JUNB: variants seen among roughly 807,000 people sequenced by gnomAD.
The protein encoded by JUNB is transcription factor JunB.
JUNB carries 6 observed loss-of-function variants against 16.4 expected under a neutral mutation model. That is an observed-to-expected ratio of 0.37 (90% CI 0.20 to 0.72). The LOEUF (loss-of-function observed/expected upper bound fraction) is 0.72, where lower values mean the gene tolerates loss of function less well. Among genes scored for constraint, JUNB ranks in the 30% least tolerant of loss-of-function variants. The pLI, the probability that JUNB is intolerant of heterozygous loss-of-function variation, is 0.53. For synonymous variants in JUNB, 226 were observed against 232.8 expected, an observed-to-expected ratio of 0.97 and a Z score of 0.27; for missense variants, 389 against 492.9, an observed-to-expected ratio of 0.79 and a Z score of 2.00.
In JUNB at chr19:12,792,265, C is replaced by A. The variant is rs1968729164; in HGVS notation, c.494C>A (p.Pro165His). The A allele has an allele frequency of 2.0e-6, 3 of 1,495,028 alleles. No homozygotes were observed. Among genetic ancestry groups the A allele is most frequent in the African/African-American group, 1.4e-5 (1 of 71,130 alleles). The allele number at this position is 1,495,028 out of a possible 1,614,324, so 92.6% of individuals were successfully genotyped here. The change falls in exon 1 of 1, where the codon CCC (proline) becomes CAC (histidine). Residue 165 changes from proline to histidine, a missense_variant. Coordinates refer to ENST00000302754, the MANE Select transcript of JUNB (RefSeq NM_002229.3). ...GTGTCCCTGGGCGCTACCGGGGGGCCCCCGGCTGGGCCCGGGGGCGTCTAC... is the reference window on the plus strand; with the variant it reads ...GTGTCCCTGGGCGCTACCGGGGGGCACCCGGCTGGGCCCGGGGGCGTCTAC... ...PNVSLGATGGPPAGPGGVYAG... is the reference protein window; with the variant it reads ...PNVSLGATGGHPAGPGGVYAG...
Position 12,791,737 on chromosome 19 carries a change from G to T in JUNB, c.-35G>T. 2.0e-6 allele frequency: 3 copies of T among 1,511,224 alleles called. No individual in the cohort carries two copies. The highest frequency in any genetic ancestry group is 1.2e-5 in the South Asian group (1 of 81,708). 93.6% of individuals were successfully genotyped at this position (1,511,224 alleles called of 1,614,324 possible). On this transcript the variant is annotated 5_prime_UTR_variant, in exon 1 of 1. Coordinates refer to ENST00000302754, the MANE Select transcript of JUNB (RefSeq NM_002229.3). This position sits in a 1 kb window ranked among gnomAD's most constrained non-coding sequence, Gnocchi z 7.0. ...CTGCAGCGAGGCCCGGAGCGGCCCC[G>T]CAGGGACCCTCCCCAGACCGCCTGG...
In JUNB at chr19:12,792,172, G is replaced by T; in HGVS notation, c.401G>T (p.Gly134Val). 1 of 1,590,296 alleles carries T rather than the reference G, an allele frequency of 6.3e-7. No homozygotes were observed. The highest frequency in any genetic ancestry group is 1.3e-5 in the African/African-American group (1 of 74,834). ...AGGGVTEEQE[G>V]FADGFVKALD... ...GGCGGCGTCACCGAGGAGCAGGAGGGCTTCGCCGACGGCTTTGTCAAAGCC... is the reference window on the plus strand; with the variant it reads ...GGCGGCGTCACCGAGGAGCAGGAGGTCTTCGCCGACGGCTTTGTCAAAGCC... The change falls in exon 1 of 1, where the codon GGC becomes GTC. Residue 134 changes from glycine (G) to valine (V), a missense_variant. By Grantham distance (109) the Gly-to-Val change is moderately radical. Around this residue, in one of 2 missense-constraint regions of JUNB, gnomAD observed 349 missense variants for 389.8 expected, o/e 0.90. Coordinates refer to ENST00000302754, the MANE Select transcript of JUNB (RefSeq NM_002229.3).
At position 12,792,454 on chromosome 19, in the gene JUNB, C is replaced by T. The variant is rs1448833943; in HGVS notation, c.683C>T (p.Ala228Val). Residue 228 changes from alanine (A) to valine (V), a missense_variant, in exon 1 of 1, where the codon GCG becomes GTG. Coordinates refer to ENST00000302754, the MANE Select transcript of JUNB (RefSeq NM_002229.3). ...HAPPFAGGHP[A>V]QLGLGRGAST... Reference sequence around the variant, plus strand: ...CCGCCCTTCGCCGGTGGCCACCCGGCGCAGCTGGGCTTGGGCCGCGGCGCC... The same window carrying T: ...CCGCCCTTCGCCGGTGGCCACCCGGTGCAGCTGGGCTTGGGCCGCGGCGCC... 1 of 1,600,248 alleles carries T rather than the reference C, an allele frequency of 6.2e-7. No homozygotes were observed. Among genetic ancestry groups the T allele is most frequent in the Non-Finnish European group, 8.5e-7 (1 of 1,176,578 alleles).
At position 12,792,231 on chromosome 19, in the gene JUNB, C is replaced by A. The variant is rs1310504842; in HGVS notation, c.460C>A (p.Pro154Thr). ...TCTGCACAAGATGAACCACGTGACA[C>A]CCCCCAACGTGTCCCTGGGCGCTAC... is the stretch of plus-strand genomic sequence containing the variant. ...DDLHKMNHVT[P>T]PNVSLGATGG... Residue 154 changes from proline to threonine, a missense_variant, in exon 1 of 1, where the codon CCC becomes ACC. By Grantham distance (38) the Pro-to-Thr change is conservative (BLOSUM62 -1). Coordinates refer to ENST00000302754, the MANE Select transcript of JUNB (RefSeq NM_002229.3). The A allele has an allele frequency of 2.0e-6, 3 of 1,526,260 alleles. No homozygotes were observed. Among genetic ancestry groups the A allele is most frequent in the Non-Finnish European group, 1.8e-6 (2 of 1,133,482 alleles). The allele number at this position is 1,526,260 out of a possible 1,614,324, so 94.5% of individuals were successfully genotyped here.
Position 12,792,817 on chromosome 19 carries a change from C to T in JUNB, c.*2C>T. 1 of 1,595,254 alleles carries T rather than the reference C, an allele frequency of 6.3e-7. No individual in the cohort carries two copies. Among genetic ancestry groups the T allele is most frequent in the Non-Finnish European group, 8.6e-7 (1 of 1,165,648 alleles). Reference sequence around the variant, plus strand: ...GGGGTCAAGGGACACGCCTTCTGAACGTCCCCTGCCCCTTTACGGACACCC... The same window carrying T: ...GGGGTCAAGGGACACGCCTTCTGAATGTCCCCTGCCCCTTTACGGACACCC... On this transcript the variant is annotated 3_prime_UTR_variant, in exon 1 of 1. Coordinates refer to ENST00000302754, the MANE Select transcript of JUNB (RefSeq NM_002229.3).
At position 12,792,129 on chromosome 19, in the gene JUNB, G is replaced by A. The variant is rs1431703781; in HGVS notation, c.358G>A (p.Gly120Ser). 1.3e-6 allele frequency: 2 copies of A among 1,599,082 alleles called. No individual in the cohort carries two copies. The highest frequency in any genetic ancestry group is 1.7e-6 in the Non-Finnish European group (2 of 1,173,910). ...CCCCCGCGGGGGTGGCAGCGGTGGA[G>A]GTGCAGGGGGCGCAGGGGGCGGCGT... is the stretch of plus-strand genomic sequence containing the variant. ...FYPRGGGSGG[G>S]AGGAGGGVTE... The change falls in exon 1 of 1, where the codon GGT (glycine) becomes AGT (serine). Residue 120 changes from glycine to serine, a missense_variant. By Grantham distance (56) the Gly-to-Ser change is moderately conservative. Coordinates refer to ENST00000302754, the MANE Select transcript of JUNB (RefSeq NM_002229.3).
rs1968741060 is a variant in JUNB at position 12,793,122 on chromosome 19, G to T, written c.*307G>T. On this transcript the variant is annotated 3_prime_UTR_variant, in exon 1 of 1. Coordinates refer to ENST00000302754, the MANE Select transcript of JUNB (RefSeq NM_002229.3). This position sits in a 1 kb window ranked among gnomAD's most constrained non-coding sequence, Gnocchi z 6.1. ...CGATCGCGGCGGAGCTGGCCCCGCC[G>T]CCTGGTACTCAAGCCCGCGGGGACA... 6.5e-6 allele frequency: 2 copies of T among 308,070 alleles called. No homozygotes were observed. The highest frequency in any genetic ancestry group is 4.3e-5 in the African/African-American group (2 of 46,754). 19.1% of individuals were successfully genotyped at this position (308,070 alleles called of 1,614,324 possible).
rs775954192 is a variant in JUNB at position 12,792,439 on chromosome 19, C to A, written c.668C>A (p.Ala223Asp). 6.2e-7 allele frequency: 1 copy of A among 1,601,828 alleles called. No individual in the cohort carries two copies. Among genetic ancestry groups the A allele is most frequent in the Admixed American group, 1.7e-5 (1 of 59,526 alleles). Residue 223 changes from alanine to aspartate, a missense_variant, in exon 1 of 1, where the codon GCC becomes GAC. This residue lies in a region of JUNB where 349 missense variants were observed against 389.8 expected (regional missense o/e 0.90). Coordinates refer to ENST00000302754, the MANE Select transcript of JUNB (RefSeq NM_002229.3). ...ISYLPHAPPF[A>D]GGHPAQLGLG... The stretch of plus-strand genomic sequence containing the variant: ...TACCTCCCACACGCGCCGCCCTTCG[C>A]CGGTGGCCACCCGGCGCAGCTGGGC...
Position 12,792,114 on chromosome 19 carries a change from G to A in JUNB, c.343G>A (p.Gly115Ser). 2 of 1,598,972 alleles carry A rather than the reference G, an allele frequency of 1.3e-6. No individual in the cohort carries two copies. Among genetic ancestry groups the A allele is most frequent in the Non-Finnish European group, 8.5e-7 (1 of 1,173,820 alleles). Residue 115 changes from glycine to serine, a missense_variant, in exon 1 of 1, where the codon GGT (glycine) becomes AGT (serine). Gly to Ser is a moderately conservative substitution (Grantham distance 56). Coordinates refer to ENST00000302754, the MANE Select transcript of JUNB (RefSeq NM_002229.3). Reference protein sequence around the residue: ...PPGQYFYPRGGGSGGGAGGAG... With the variant: ...PPGQYFYPRGSGSGGGAGGAG... ...GGGACAGTACTTTTACCCCCGCGGG[G>A]GTGGCAGCGGTGGAGGTGCAGGGGG... is the stretch of plus-strand genomic sequence containing the variant.
Position 12,791,885 on chromosome 19 carries a change from C to G in JUNB, c.114C>G (p.Ser38Arg), listed in dbSNP as rs762774654. ...ACGACTACAAACTCCTGAAACCGAG[C>G]CTGGCGGTCAACCTGGCCGACCCCT... is the stretch of plus-strand genomic sequence containing the variant. ...SLHDYKLLKP[S>R]LAVNLADPYR... Residue 38 changes from serine to arginine, a missense_variant, in exon 1 of 1, where the codon AGC becomes AGG. Ser to Arg is a moderately radical substitution (Grantham distance 110, BLOSUM62 -1). Around this residue, in one of 2 missense-constraint regions of JUNB, gnomAD observed 349 missense variants for 389.8 expected, o/e 0.90. Transcript: ENST00000302754. The surrounding 1 kb of genome is among the most constrained non-coding windows in gnomAD (Gnocchi z 7.0). The G allele has an allele frequency of 6.2e-7, 1 of 1,613,504 alleles. No homozygotes were observed. The highest frequency in any genetic ancestry group is 8.5e-7 in the Non-Finnish European group (1 of 1,179,900).
In JUNB at chr19:12,792,684, G is replaced by A. The variant is rs770362511; in HGVS notation, c.913G>A (p.Ala305Thr). The change falls in exon 1 of 1, where the codon GCC (alanine) becomes ACC (threonine). Residue 305 changes from alanine to threonine, a missense_variant. By Grantham distance (58) the Ala-to-Thr change is moderately conservative. Around this residue, in one of 2 missense-constraint regions of JUNB, gnomAD observed 40 missense variants for 103.2 expected, o/e 0.39. Transcript: ENST00000302754. ...GGAGGACAAGGTGAAGACGCTCAAG[G>A]CCGAGAACGCGGGGCTGTCGAGTAC... ...RLEDKVKTLK[A>T]ENAGLSSTAG... 1.3e-5 allele frequency: 21 copies of A among 1,586,740 alleles called. No individual in the cohort carries two copies. The highest frequency in any genetic ancestry group is 1.8e-5 in the Non-Finnish European group (21 of 1,167,524).
Position 12,793,057 on chromosome 19 carries a change from A to G in JUNB, c.*242A>G. On this transcript the variant is annotated 3_prime_UTR_variant, in exon 1 of 1. Transcript: ENST00000302754. This position sits in a 1 kb window ranked among gnomAD's most constrained non-coding sequence, Gnocchi z 6.1. ...GAAACAGACTCGATTCATATTGAAT[A>G]TAATATATTTGTGTATTTAACAGGG... 1.9e-6 allele frequency: 1 copy of G among 520,794 alleles called. No homozygotes were observed. Among genetic ancestry groups the G allele is most frequent in the South Asian group, 2.7e-5 (1 of 36,452 alleles). 32.3% of individuals were successfully genotyped at this position (520,794 alleles called of 1,614,324 possible).
Position 12,792,677 on chromosome 19 carries a change from G to C in JUNB, c.906G>C (p.Thr302=), listed in dbSNP as rs1323509327. The change falls in exon 1 of 1, where the codon ACG becomes ACC. Residue 302 remains threonine (T), a synonymous_variant. Transcript: ENST00000302754. The part of the protein sequence containing the change: ...RIARLEDKVK[T]LKAENAGLSS... ...CGCGCCTGGAGGACAAGGTGAAGAC[G>C]CTCAAGGCCGAGAACGCGGGGCTGT... 6.3e-7 allele frequency: 1 copy of C among 1,582,678 alleles called. No individual in the cohort carries two copies. The highest frequency in any genetic ancestry group is 8.6e-7 in the Non-Finnish European group (1 of 1,165,414).
chr19:12,791,962 G>C lies in JUNB; in HGVS notation c.191G>C (p.Gly64Ala). 1.9e-6 allele frequency: 3 copies of C among 1,611,258 alleles called. No individual in the cohort carries two copies. The highest frequency in any genetic ancestry group is 2.5e-6 in the Non-Finnish European group (3 of 1,179,384). The stretch of plus-strand genomic sequence containing the variant: ...CGCGGACCCGGCCCAGAGGGCGGCG[G>C]TGGCGGCAGCTACTTTTCTGGTCAG... ...GARGPGPEGG[G>A]GGSYFSGQGS... is the part of the protein sequence containing the mutation. The change falls in exon 1 of 1, where the codon GGT (glycine) becomes GCT (alanine). Residue 64 changes from glycine (G) to alanine (A), a missense_variant. By Grantham distance (60) the Gly-to-Ala change is moderately conservative. Coordinates refer to ENST00000302754, the MANE Select transcript of JUNB (RefSeq NM_002229.3). This position sits in a 1 kb window ranked among gnomAD's most constrained non-coding sequence, Gnocchi z 7.0.
Position 12,791,802 on chromosome 19 carries a change from CACG to C in JUNB, c.37_39del (p.Asp13del), listed in dbSNP as rs772785758. The C allele has an allele frequency of 6.2e-6, 10 of 1,612,436 alleles. No individual in the cohort carries two copies. Among genetic ancestry groups the C allele is most frequent in the Non-Finnish European group, 8.5e-6 (10 of 1,179,122 alleles). ...CACTAAAATGGAACAGCCCTTCTAC[CACG>C]ACGACTCATACACAGCTACGGGATA... is the stretch of plus-strand genomic sequence containing the variant. On this transcript the variant is annotated inframe_deletion, in exon 1 of 1. Coordinates refer to ENST00000302754, the MANE Select transcript of JUNB (RefSeq NM_002229.3). This position sits in a 1 kb window ranked among gnomAD's most constrained non-coding sequence, Gnocchi z 7.0.
In JUNB at chr19:12,792,317, C is replaced by T; in HGVS notation, c.546C>T (p.Tyr182=). ...VYAGPEPPPV[Y]TNLSSYSPAS... ...CCGGCCCGGAGCCACCTCCCGTTTA[C>T]ACCAACCTCAGCAGCTACTCCCCAG... is the stretch of plus-strand genomic sequence containing the variant. Residue 182 remains tyrosine, a synonymous_variant, in exon 1 of 1, where the codon TAC becomes TAT. Transcript: ENST00000302754. 6.6e-7 allele frequency: 1 copy of T among 1,518,722 alleles called. No individual in the cohort carries two copies. Among genetic ancestry groups the T allele is most frequent in the South Asian group, 1.2e-5 (1 of 80,746 alleles). 94.1% of individuals were successfully genotyped at this position (1,518,722 alleles called of 1,614,324 possible).
chr19:12,791,718 C>CGA lies in JUNB; in HGVS notation c.-52_-51dup. On this transcript the variant is annotated 5_prime_UTR_variant, in exon 1 of 1. Transcript: ENST00000302754. The surrounding 1 kb of genome is among the most constrained non-coding windows in gnomAD (Gnocchi z 7.0). Reference sequence around the variant, plus strand: ...GCGGAGAGCTCGCCGCTCGCTGCAGCGAGGCCCGGAGCGGCCCCGCAGGGA... The same window carrying CGA: ...GCGGAGAGCTCGCCGCTCGCTGCAGCGAGAGGCCCGGAGCGGCCCCGCAGGGA... 1 of 1,353,314 alleles carries CGA rather than the reference C, an allele frequency of 7.4e-7. No homozygotes were observed. The highest frequency in any genetic ancestry group is 1.4e-5 in the South Asian group (1 of 71,962). 83.8% of individuals were successfully genotyped at this position (1,353,314 alleles called of 1,614,324 possible). A position where few individuals can be genotyped will look rare whatever the true frequency, so the allele number is the denominator to read the frequency against.
chr19:12,791,813 A>T lies in JUNB; in HGVS notation c.42A>T (p.Ser14=). Residue 14 remains serine (S), a synonymous_variant, in exon 1 of 1, where the codon TCA becomes TCT. Transcript: ENST00000302754. The surrounding 1 kb of genome is among the most constrained non-coding windows in gnomAD (Gnocchi z 7.0). The part of the protein sequence containing the change: ...KMEQPFYHDD[S]YTATGYGRAP... ...AACAGCCCTTCTACCACGACGACTC[A>T]TACACAGCTACGGGATACGGCCGGG... The T allele has an allele frequency of 1.2e-6, 2 of 1,613,568 alleles. No homozygotes were observed. The highest frequency in any genetic ancestry group is 8.5e-7 in the Non-Finnish European group (1 of 1,179,814).
Position 12,792,901 on chromosome 19 carries a change from C to A in JUNB, c.*86C>A. 3 of 1,463,392 alleles carry A rather than the reference C, an allele frequency of 2.1e-6. No individual in the cohort carries two copies. The highest frequency in any genetic ancestry group is 1.4e-5 in the African/African-American group (1 of 70,740). 90.7% of individuals were successfully genotyped at this position (1,463,392 alleles called of 1,614,324 possible). ...TGGGGTCCAGGGAGCAGGCGGTGGG[C>A]ACCCACCCTGGGACCTAGGGGCGCC... On this transcript the variant is annotated 3_prime_UTR_variant, in exon 1 of 1. Coordinates refer to ENST00000302754, the MANE Select transcript of JUNB (RefSeq NM_002229.3).
Sources: gnomAD v4.1 joint callset for allele counts on GRCh38, gnomAD v4.1.1 for gene constraint, gnomAD v4.1.1 regional missense constraint, Gnocchi (gnomAD v3.1) non-coding constraint, MANE v1.5 for transcripts, NCBI Gene and HGNC (gene_info 2026-07-23, HGNC 2026-07-21) for gene names.